Variants in GPR146 observed in about 807,000 individuals in gnomAD.
GPR146 encodes G-protein coupled receptor 146.
For synonymous variants in GPR146, 203 were observed against 104.3 expected, an observed-to-expected ratio of 1.95 and a Z score of -5.77; for missense variants, 381 against 213.9, an observed-to-expected ratio of 1.78 and a Z score of -4.87.
chr7:1,052,000 A>G (rs1000562729), intron 1 of GPR146, among the ~76,000 whole-genome samples: 1 of 152,160 alleles, frequency 6.6e-6, no homozygotes, highest in African/African-American at 2.4e-5. Flanking sequence ...TAAAAACAGA[A>G]GGAGGAACAG....
chr7:1,054,687 C>A (rs114943624), intron 1 of GPR146, among the ~76,000 whole-genome samples: 2 of 152,322 alleles, frequency 1.3e-5, no homozygotes. Flanking sequence ...AGGGGTGCGG[C>A]GGGCAAGAGG....
At chr7:1,048,479 AG>A (rs1323441942) in intron 1 of GPR146, among the ~76,000 whole-genome samples, 1 of 151,962 alleles carries the variant, frequency 6.6e-6, no homozygotes, top group Non-Finnish European at 1.5e-5. Context: ...TCAGGTTGAG[AG>A]GGGTGGTCAC....
chr7:1,050,547 G>C (rs78185558), intron 1 of GPR146, among the ~76,000 whole-genome samples: 20,050 of 152,228 alleles, frequency 0.13, 1,442 homozygotes, highest in Middle Eastern at 0.21. Context: ...AGCTCCGAGC[G>C]GATGCTCTGC....
chr7:1,055,275 A>G (rs1003441689), intron 1 of GPR146: 1 of 471,050 alleles, frequency 2.1e-6, no homozygotes, highest in African/African-American at 2.0e-5. Context: ...GGAACTTACC[A>G]GAGGAAAACA....
chr7:1,055,821 G>A (rs1442020323), intron 1 of GPR146, among the ~76,000 whole-genome samples: 1 of 152,160 alleles, frequency 6.6e-6, no homozygotes, highest in Non-Finnish European at 1.5e-5. Flanking sequence ...AGATCCGGGG[G>A]CCCTGGGCGC....
intron 1 of GPR146, among the ~76,000 whole-genome samples, chr7:1,046,149 G>A (rs1782557425): frequency 6.6e-6 from 1 of 152,216 alleles, no homozygotes; most frequent in South Asian, 2.1e-4. Flanking sequence ...GTAATTTACA[G>A]TCGGAAGAGG....
intron 1 of GPR146, among the ~76,000 whole-genome samples, chr7:1,050,996 C>T (rs569923704): frequency 1.1e-4 from 16 of 152,224 alleles, no homozygotes; most frequent in Non-Finnish European, 1.5e-4. Context: ...GCTGAGGTCA[C>T]CCCACAGGCC....
rs1162878655 is a variant in GPR146 at position 1,052,518 on chromosome 7, G to A, written c.-24-4974G>A. ...ACTTTGGAGGTGCTGGAGGAGCAGG[G>A]CCTGGCGGAAGAAGTGGGGGAGCCA... On this transcript the variant is annotated intron_variant, in intron 1 of 1. Transcript: ENST00000444847. This position sits in a 1 kb window ranked among gnomAD's most constrained non-coding sequence, Gnocchi z 4.2. 6.6e-6 allele frequency among the ~76,000 whole-genome samples: 1 copy of A among 152,166 alleles called. No homozygotes were observed. The highest frequency in any genetic ancestry group is 1.9e-4 in the East Asian group (1 of 5,192).
At position 1,058,421 on chromosome 7, in the gene GPR146, C is replaced by T. The variant is rs748439721; in HGVS notation, c.906C>T (p.Ser302=). 17 of 780,756 alleles carry T rather than the reference C, an allele frequency of 2.2e-5. No homozygotes were observed. Among genetic ancestry groups the T allele is most frequent in the Non-Finnish European group, 3.3e-5 (14 of 418,132 alleles). The allele number at this position is 780,756 out of a possible 1,614,324, so 48.4% of individuals were successfully genotyped here. Residue 302 remains serine (S), a synonymous_variant, in exon 2 of 2, where the codon AGC becomes AGT. Coordinates refer to ENST00000444847, the MANE Select transcript of GPR146 (RefSeq NM_001303473.2). ...TPLLYRYMNQ[S]FPSKLQRLMK... ...TTCTCTACCGCTACATGAACCAGAGCTTCCCCAGCAAGCTCCAACGGCTGA... is the reference window on the plus strand; with the variant it reads ...TTCTCTACCGCTACATGAACCAGAGTTTCCCCAGCAAGCTCCAACGGCTGA...
At position 1,058,152 on chromosome 7, in the gene GPR146, G is replaced by A. The variant is rs747398618; in HGVS notation, c.637G>A (p.Val213Ile). ...CTACGCGCTGGTGCTACTCTCCCGC[G>A]TCCGCAGGGAGGACACGCCCCTGGA... ...TLYALVLLSR[V>I]RREDTPLDRD... is the part of the protein sequence containing the mutation. The change falls in exon 2 of 2, where the codon GTC becomes ATC. Residue 213 changes from valine to isoleucine, a missense_variant. Transcript: ENST00000444847. 9.5e-6 allele frequency: 7 copies of A among 739,510 alleles called. No individual in the cohort carries two copies. The highest frequency in any genetic ancestry group is 5.1e-5 in the African/African-American group (3 of 58,740). The allele number at this position is 739,510 out of a possible 1,614,324, so 45.8% of individuals were successfully genotyped here.
intron 1 of GPR146, among the ~76,000 whole-genome samples, chr7:1,049,570 G>A (rs1563047024): frequency 1.3e-5 from 2 of 152,158 alleles, no homozygotes; most frequent in Admixed American, 6.5e-5. Flanking sequence ...GAAGACGGAG[G>A]GCGAGGGAGT....
In GPR146 at chr7:1,059,236, G is replaced by A. The variant is rs1186956201; in HGVS notation, c.*719G>A. 6.0e-6 allele frequency: 1 copy of A among 166,938 alleles called. No individual in the cohort carries two copies. Among genetic ancestry groups the A allele is most frequent in the African/African-American group, 2.4e-5 (1 of 41,432 alleles). The allele number at this position is 166,938 out of a possible 1,614,324, so 10.3% of individuals were successfully genotyped here. The stretch of plus-strand genomic sequence containing the variant: ...TCCTCAAAGTGTGCACAAAACTAAA[G>A]AATATAAATAAACAAAAGAAAGGTG... On this transcript the variant is annotated 3_prime_UTR_variant, in exon 2 of 2. Transcript: ENST00000444847.
intron 1 of GPR146, among the ~76,000 whole-genome samples, chr7:1,046,163 ATGC>A (rs1284614885): frequency 6.6e-6 from 1 of 152,204 alleles, no homozygotes; most frequent in African/African-American, 2.4e-5. Flanking sequence ...GAAGAGGGAC[ATGC>A]TGCTCACTGG....
Position 1,057,581 on chromosome 7 carries a change from G to A in GPR146, c.66G>A (p.Leu22=), listed in dbSNP as rs529785705. The A allele has an allele frequency of 1.3e-6, 1 of 772,214 alleles. No homozygotes were observed. The highest frequency in any genetic ancestry group is 1.4e-5 in the South Asian group (1 of 73,508). The allele number at this position is 772,214 out of a possible 1,614,324, so 47.8% of individuals were successfully genotyped here. Residue 22 remains leucine, a synonymous_variant, in exon 2 of 2, where the codon CTG becomes CTA. Coordinates refer to ENST00000444847, the MANE Select transcript of GPR146 (RefSeq NM_001303473.2). ...AGGAGCTGCCTGCCTGCCAGGACCT[G>A]CAGCTGGGGCTGTCACTGTTGTCGC... is the stretch of plus-strand genomic sequence containing the variant. ...LVEELPACQD[L]QLGLSLLSLL...
intron 1 of GPR146, chr7:1,055,183 G>A (rs4720335): frequency 0.068 from 31,814 of 465,996 alleles, 1,285 homozygotes; most frequent in Admixed American, 0.12. Flanking sequence ...GTCCAAGCAC[G>A]GCCCCTCGTT....
chr7:1,054,471 C>G (rs1422819919), intron 1 of GPR146, among the ~76,000 whole-genome samples: 1 of 152,242 alleles, frequency 6.6e-6, no homozygotes, highest in African/African-American at 2.4e-5. Context: ...GCTGGGGTGA[C>G]AGCACGCACT....
At chr7:1,044,991 C>G in intron 1 of GPR146, among the ~76,000 whole-genome samples, 1 of 152,274 alleles carries the variant, frequency 6.6e-6, no homozygotes, top group East Asian at 1.9e-4. Context: ...TCTCCTGGGC[C>G]ACTATGGTGA....
intron 1 of GPR146, among the ~76,000 whole-genome samples, chr7:1,050,972 G>A (rs1193137877): frequency 6.6e-6 from 1 of 152,246 alleles, no homozygotes; most frequent in Admixed American, 6.5e-5. Context: ...TCAGAGAGGG[G>A]GATGGACAGA....
At position 1,058,724 on chromosome 7, in the gene GPR146, C is replaced by T. The variant is rs1219782156; in HGVS notation, c.*207C>T. On this transcript the variant is annotated 3_prime_UTR_variant, in exon 2 of 2. Transcript: ENST00000444847. ...GGCTGGCATCTGGCTTGAGTCTCCC[C>T]GAGGCCTGTGCGTCTCCCAAACACG... 6 of 590,992 alleles carry T rather than the reference C, an allele frequency of 1.0e-5. No individual in the cohort carries two copies. The highest frequency in any genetic ancestry group is 5.6e-5 in the African/African-American group (3 of 53,516). 36.6% of individuals were successfully genotyped at this position (590,992 alleles called of 1,614,324 possible).
Sources: gnomAD v4.1 joint callset for allele counts (sites outside exome capture counted in the v4.1 genomes callset) on GRCh38, gnomAD v4.1.1 for gene constraint, Gnocchi (gnomAD v3.1) non-coding constraint, MANE v1.5 for transcripts, NCBI Gene and HGNC (gene_info 2026-07-23, HGNC 2026-07-21) for gene names.